DNM3: variants seen among roughly 807,000 people sequenced by gnomAD.
DNM3 encodes the protein dynamin 3.
In DNM3, 47 loss-of-function variants were observed where a neutral mutation model predicts 101.6. That is an observed-to-expected ratio of 0.46 (90% CI 0.37 to 0.59). DNM3 has a LOEUF of 0.59. Ranked by LOEUF, DNM3 falls within the 20% of genes least tolerant of loss-of-function variation. DNM3 has a pLI of 0.00. For synonymous variants in DNM3, 385 were observed against 387.9 expected (o/e 0.99, Z 0.09); for missense variants, 849 against 1,085.7 (o/e 0.78, Z 3.06).
intron 14 of DNM3, among the ~76,000 whole-genome samples, chr1:172,229,928 A>G: frequency 6.6e-6 from 1 of 152,082 alleles, no homozygotes; most frequent in East Asian, 1.9e-4. Context: ...AGGACAGTGT[A>G]TTGACATAGA....
intron 15 of DNM3, among the ~76,000 whole-genome samples, chr1:172,260,393 T>C (rs1333170579): frequency 6.6e-6 from 1 of 152,172 alleles, no homozygotes; most frequent in Non-Finnish European, 1.5e-5. Flanking sequence ...TTTAACCTAT[T>C]ATTTTATTAA....
chr1:172,032,520 A>G lies in DNM3; in HGVS notation c.688+20A>G. ...GCAGGGGTAATGTACTGTGGTCTAT[A>G]CAAGACTTTTTTTTTTTTTTTTTTT... On this transcript the variant is annotated intron_variant, in intron 5 of 20. Coordinates refer to ENST00000627582, the MANE Select transcript of DNM3 (RefSeq NM_015569.5). 1 of 1,082,652 alleles carries G rather than the reference A, an allele frequency of 9.2e-7. No individual in the cohort carries two copies. Among genetic ancestry groups the G allele is most frequent in the Non-Finnish European group, 1.3e-6 (1 of 758,264 alleles). 67.1% of individuals were successfully genotyped at this position (1,082,652 alleles called of 1,614,324 possible).
intron 17 of DNM3, among the ~76,000 whole-genome samples, chr1:172,325,359 A>C (rs1216595791): frequency 6.6e-6 from 1 of 152,122 alleles, no homozygotes; most frequent in Non-Finnish European, 1.5e-5. Flanking sequence ...TCAAAGATGC[A>C]AGTACTTACT....
chr1:172,210,901 A>G (rs1043654172), intron 14 of DNM3, among the ~76,000 whole-genome samples: 15 of 152,060 alleles, frequency 9.9e-5, no homozygotes, highest in African/African-American at 3.4e-4. Flanking sequence ...GAGTTTAGAG[A>G]TAAACATGAT....
At chr1:172,035,917 C>T (rs1200711452) in intron 6 of DNM3, among the ~76,000 whole-genome samples, 2 of 152,028 alleles carry the variant, frequency 1.3e-5, no homozygotes, top group Non-Finnish European at 2.9e-5. Context: ...TTCAGCTAAC[C>T]TCAGATAAAC....
intron 14 of DNM3, among the ~76,000 whole-genome samples, chr1:172,228,771 G>A (rs930893404): frequency 6.6e-6 from 1 of 152,044 alleles, no homozygotes; most frequent in Admixed American, 6.6e-5. Context: ...TTTTATAAAT[G>A]TATTCATATA....
At chr1:172,054,649 TAGTC>T (rs1256648284) in intron 10 of DNM3, among the ~76,000 whole-genome samples, 1 of 152,176 alleles carries the variant, frequency 6.6e-6, no homozygotes, top group African/African-American at 2.4e-5. Context: ...AAAAATACCT[TAGTC>T]AGCTATTAGA....
intron 10 of DNM3, 119 bp from the exon 11 acceptor site, chr1:172,068,700 C>T (rs898105188): frequency 3.8e-5 from 32 of 840,074 alleles, no homozygotes; most frequent in Non-Finnish European, 5.9e-5. Context: ...GATGATATTT[C>T]ATTTTTGCTT....
At position 172,027,617 on chromosome 1, in the gene DNM3, C is replaced by CACACACACACAG. The variant is rs34981346; in HGVS notation, c.590-4784_590-4783insCACACACACAGA. ...ACACACACACACACACACACACACA[C>CACACACACACAG]AGAGAGAGAGAAATTGGATACAGAG... On this transcript the variant is annotated intron_variant, in intron 4 of 20. Transcript: ENST00000627582. Among the ~76,000 whole-genome samples the CACACACACACAG allele has an allele frequency of 7.2e-3, 1,064 of 147,084 alleles. 18 individuals are homozygous for CACACACACACAG. The highest frequency in any genetic ancestry group is 0.026 in the African/African-American group (1,016 of 38,636).
At chr1:172,402,782 A>G (rs9425598) in intron 20 of DNM3, among the ~76,000 whole-genome samples, 72,092 of 152,100 alleles carry the variant, frequency 0.47, 19,872 homozygotes, top group East Asian at 0.63. Context: ...GCTTTCACCC[A>G]TGCTTAAGTC....
intron 14 of DNM3, among the ~76,000 whole-genome samples, chr1:172,186,863 C>T (rs2059545589): frequency 6.6e-6 from 1 of 152,058 alleles, no homozygotes; most frequent in African/African-American, 2.4e-5. Context: ...TCTGAAGACT[C>T]CCCCATCTTG....
intron 1 of DNM3, among the ~76,000 whole-genome samples, chr1:171,871,102 A>T (rs992154210): frequency 8.5e-5 from 13 of 152,184 alleles, no homozygotes; most frequent in African/African-American, 3.1e-4. Flanking sequence ...TTTGCAATGG[A>T]CATCGTCAGA....
chr1:171,955,252 C>T (rs564681140), intron 2 of DNM3, among the ~76,000 whole-genome samples: 11 of 152,300 alleles, frequency 7.2e-5, no homozygotes, highest in African/African-American at 2.6e-4. Flanking sequence ...GAAAGCTATG[C>T]ACCACTGTAC....
chr1:172,162,225 G>GT (rs779407362), intron 14 of DNM3, among the ~76,000 whole-genome samples: 2 of 152,084 alleles, frequency 1.3e-5, no homozygotes. Context: ...TATTTATACA[G>GT]TTTTTTCTAA....
At position 172,337,866 on chromosome 1, in the gene DNM3, T is replaced by A. The variant is rs1008563266; in HGVS notation, c.1893+14526T>A. Among the ~76,000 whole-genome samples the A allele has an allele frequency of 7.8e-4, 88 of 113,162 alleles. 1 individual carries two copies. Among genetic ancestry groups the A allele is most frequent in the African/African-American group, 2.7e-3 (81 of 30,462 alleles). 74.2% of individuals were successfully genotyped at this position (113,162 alleles called of 152,430 possible). ...TTTTATTTTATTTTATTTTATTTTA[T>A]TTTTATTTTATTTTATTTTATTTTA... On this transcript the variant is annotated intron_variant, in intron 17 of 20. Coordinates refer to ENST00000627582, the MANE Select transcript of DNM3 (RefSeq NM_015569.5).
intron 1 of DNM3, among the ~76,000 whole-genome samples, chr1:171,911,164 T>C (rs1416267113): frequency 2.0e-5 from 3 of 152,158 alleles, no homozygotes; most frequent in Admixed American, 2.0e-4. Flanking sequence ...GATTCCATTC[T>C]TTTTAAATAA....
At chr1:172,340,777 AT>A (rs1354039239) in intron 17 of DNM3, among the ~76,000 whole-genome samples, 1 of 152,086 alleles carries the variant, frequency 6.6e-6, no homozygotes, top group Non-Finnish European at 1.5e-5. Flanking sequence ...TCCTCTTCCT[AT>A]TTGGATATCT....
At chr1:172,109,541 G>A (rs1386256833) in intron 13 of DNM3, among the ~76,000 whole-genome samples, 3 of 152,104 alleles carry the variant, frequency 2.0e-5, no homozygotes, top group African/African-American at 7.2e-5. Context: ...CCTCTTCCTG[G>A]AGTTCATAAT....
intron 16 of DNM3, among the ~76,000 whole-genome samples, chr1:172,316,831 G>A (rs1454613710): frequency 5.3e-5 from 8 of 152,072 alleles, no homozygotes; most frequent in Non-Finnish European, 1.0e-4. Flanking sequence ...ACAGATCAAC[G>A]AGACAGAAAA....
Sources: allele counts gnomAD v4.1 joint callset (sites outside exome capture counted in the v4.1 genomes callset), GRCh38; gene constraint gnomAD v4.1.1; transcripts MANE v1.5; gene names NCBI Gene and HGNC (gene_info 2026-07-23, HGNC 2026-07-21).